ATP13A4: variants seen among roughly 807,000 people sequenced by gnomAD.
ATP13A4 encodes ATPase 13A4.
A neutral mutation model predicts 142.5 loss-of-function variants in ATP13A4; 114 were observed. That is an observed-to-expected ratio of 0.80 (90% CI 0.69 to 0.93). ATP13A4 has a LOEUF of 0.93. Among genes scored for constraint, ATP13A4 ranks in the 40% least tolerant of loss-of-function variants. ATP13A4 has a pLI of 0.00. For synonymous variants in ATP13A4, 488 were observed against 514.8 expected (o/e 0.95, Z 0.70); for missense variants, 1,392 against 1,454.0 (o/e 0.96, Z 0.69).
At chr3:193,475,834 GA>G (rs962338723) in intron 8 of ATP13A4, among the ~76,000 whole-genome samples, 15 of 151,784 alleles carry the variant, frequency 9.9e-5, no homozygotes, top group African/African-American at 3.6e-4. Context: ...TTACAAACAG[GA>G]AAAAAAGAAT....
chr3:193,519,662 A>G (rs1202127752), intron 1 of ATP13A4, among the ~76,000 whole-genome samples: 8 of 109,098 alleles, frequency 7.3e-5, no homozygotes, highest in South Asian at 2.8e-4. Flanking sequence ...TTTTTTAGAC[A>G]GAATCTTGCT....
chr3:193,579,275 G>A, intron 2 of ATP13A4: 1 of 180,096 alleles, frequency 5.6e-6, no homozygotes, highest in Non-Finnish European at 1.2e-5. Context: ...TCCCATCTCA[G>A]CAGCCTCCTT....
intron 19 of ATP13A4, 98 bp downstream of exon 19, chr3:193,442,295 C>T (rs1041803603): frequency 7.8e-7 from 1 of 1,275,748 alleles, no homozygotes; most frequent in Non-Finnish European, 1.1e-6. Context: ...GAATGCTAGA[C>T]ATTTGGAAGC....
chr3:193,580,419 G>C (rs1217489002), intron 2 of ATP13A4, among the ~76,000 whole-genome samples: 1 of 152,170 alleles, frequency 6.6e-6, no homozygotes, highest in African/African-American at 2.4e-5. Context: ...CAAAGTATGA[G>C]AGAGAAAGGA....
intron 2 of ATP13A4, among the ~76,000 whole-genome samples, chr3:193,510,021 G>A (rs1721059077): frequency 1.3e-5 from 2 of 152,172 alleles, no homozygotes; most frequent in Admixed American, 6.5e-5. Context: ...GAGGGGAGAA[G>A]GAATTATCAG....
chr3:193,521,368 T>C (rs766885452), intron 1 of ATP13A4, among the ~76,000 whole-genome samples: 2 of 152,172 alleles, frequency 1.3e-5, no homozygotes, highest in Middle Eastern at 3.2e-3. Flanking sequence ...TTGGAGAGAA[T>C]TGGTAGAATT....
chr3:193,443,731 A>G (rs73198963), intron 18 of ATP13A4, among the ~76,000 whole-genome samples: 1 of 152,354 alleles, frequency 6.6e-6, no homozygotes, highest in Non-Finnish European at 1.5e-5. Flanking sequence ...TTCATGTGGT[A>G]ACTGTTAATA....
chr3:193,526,475 G>C (rs1397543119), intron 1 of ATP13A4, among the ~76,000 whole-genome samples: 2 of 152,046 alleles, frequency 1.3e-5, no homozygotes, highest in Non-Finnish European at 2.9e-5. Context: ...CAAGGGGAGG[G>C]AGAGCATTAG....
chr3:193,470,844 G>T lies in ATP13A4; in HGVS notation c.943+15C>A. 22 of 1,613,892 alleles carry T rather than the reference G, an allele frequency of 1.4e-5. No individual in the cohort carries two copies. The highest frequency in any genetic ancestry group is 1.9e-5 in the Non-Finnish European group (22 of 1,180,018). Reference sequence around the variant, plus strand: ...CAGCCCACAGAGGTTGTCAGCTGTGGAGATGGAACTGTACCTGTCAGCATG... The same window carrying T: ...CAGCCCACAGAGGTTGTCAGCTGTGTAGATGGAACTGTACCTGTCAGCATG... On this transcript the variant is annotated intron_variant, in intron 9 of 29. Transcript: ENST00000342695.
At position 193,496,411 on chromosome 3, in the gene ATP13A4, G is replaced by T. The variant is rs1366834578; in HGVS notation, c.382-3251C>A. ...GGAACCACATAGAGAAAACAGAAAC[G>T]AATTCACACACTTGCAGCCAACTAG... On this transcript the variant is annotated intron_variant, in intron 3 of 29. Coordinates refer to ENST00000342695, the MANE Select transcript of ATP13A4 (RefSeq NM_032279.4). Among the ~76,000 whole-genome samples the T allele has an allele frequency of 2.0e-5, 3 of 152,038 alleles. No individual in the cohort carries two copies. The East Asian group carries it at 5.8e-4, about 29-fold the overall frequency.
intron 10 of ATP13A4, 122 bp from the exon 11 acceptor site, chr3:193,466,304 C>CA: frequency 8.2e-7 from 1 of 1,214,746 alleles, no homozygotes; most frequent in Non-Finnish European, 1.2e-6. Flanking sequence ...AGCTCAAAGG[C>CA]AATTGAAAGA....
At chr3:193,465,910 T>C in intron 11 of ATP13A4, 115 bp downstream of exon 11, 1 of 1,304,192 alleles carries the variant, frequency 7.7e-7, no homozygotes, top group East Asian at 2.3e-5. Flanking sequence ...GCATCAGTGC[T>C]TGGTTTTGTT....
chr3:193,467,094 C>A, intron 10 of ATP13A4, among the ~76,000 whole-genome samples: 1 of 151,916 alleles, frequency 6.6e-6, no homozygotes. Context: ...AATAGATACC[C>A]CCTTCTCCAT....
chr3:193,528,887 G>A (rs1404316509), intron 1 of ATP13A4, among the ~76,000 whole-genome samples: 4 of 151,564 alleles, frequency 2.6e-5, no homozygotes, highest in African/African-American at 7.3e-5. Flanking sequence ...ATTTTTCCAG[G>A]TCAGTGAGCT....
chr3:193,452,406 G>A (rs1717331340), intron 17 of ATP13A4, among the ~76,000 whole-genome samples: 1 of 152,090 alleles, frequency 6.6e-6, no homozygotes, highest in Admixed American at 6.5e-5. Context: ...GGGGTAGCAT[G>A]AAACTGGACC....
chr3:193,515,892 T>G (rs1721383939), intron 1 of ATP13A4, among the ~76,000 whole-genome samples: 2 of 152,234 alleles, frequency 1.3e-5, no homozygotes, highest in African/African-American at 4.8e-5. Flanking sequence ...GTTCAGAGAC[T>G]AGCTCTGCCA....
chr3:193,531,719 A>T (rs555590093), intron 1 of ATP13A4, among the ~76,000 whole-genome samples: 60 of 152,270 alleles, frequency 3.9e-4, no homozygotes, highest in African/African-American at 1.4e-3. Flanking sequence ...GGTTGCATGG[A>T]TGTACAAGTG....
chr3:193,509,049 A>G (rs1721001608), intron 2 of ATP13A4, among the ~76,000 whole-genome samples: 1 of 152,096 alleles, frequency 6.6e-6, no homozygotes, highest in South Asian at 2.1e-4. Context: ...AAAGGATCAA[A>G]AGCTACAAAA....
intron 17 of ATP13A4, among the ~76,000 whole-genome samples, chr3:193,449,091 C>T (rs1257593826): frequency 6.6e-6 from 1 of 152,178 alleles, no homozygotes; most frequent in East Asian, 1.9e-4. Context: ...AACAAACAGG[C>T]CTCTCTATTC....
Sources: gnomAD v4.1 joint callset for allele counts (sites outside exome capture counted in the v4.1 genomes callset) on GRCh38, gnomAD v4.1.1 for gene constraint, MANE v1.5 for transcripts, NCBI Gene and HGNC (gene_info 2026-07-23, HGNC 2026-07-21) for gene names.